Variants in RASGRP2 observed in about 807,000 individuals in gnomAD.
RASGRP2 encodes the protein RAS guanyl-releasing protein 2.
RASGRP2 carries 44 observed loss-of-function variants against 71.0 expected under a neutral mutation model. That is an observed-to-expected ratio of 0.62 (90% confidence interval 0.49 to 0.80). The LOEUF (loss-of-function observed/expected upper bound fraction) is 0.80, where lower values mean the gene tolerates loss of function less well. RASGRP2 is among the 30% of genes least tolerant of loss of function. The pLI is 0.00. For missense variants in RASGRP2, 663 were observed against 813.4 expected (o/e 0.82, Z 2.25); for synonymous variants, 350 against 330.7 (o/e 1.06, Z -0.63).
chr11:64,742,646 G>A lies in RASGRP2; in HGVS notation c.73+148C>T. On this transcript the variant is annotated intron_variant, in intron 2 of 16. Coordinates refer to ENST00000394432, the MANE Select transcript of RASGRP2 (RefSeq NM_001098671.2). This position sits in a 1 kb window ranked among gnomAD's most constrained non-coding sequence, Gnocchi z 4.7. ...CGTGCATCTCTCTGCCCTGCGTTGC[G>A]GAGGAGGCTTTCGTTAAAGAGACTG... 1 of 1,023,344 alleles carries A rather than the reference G, an allele frequency of 9.8e-7. No individual in the cohort carries two copies. Among genetic ancestry groups the A allele is most frequent in the Non-Finnish European group, 1.5e-6 (1 of 681,110 alleles). 63.4% of individuals were successfully genotyped at this position (1,023,344 alleles called of 1,614,324 possible).
Position 64,730,182 on chromosome 11 carries a change from G to A in RASGRP2, c.1425C>T (p.Ile475=). 1 of 1,551,654 alleles carries A rather than the reference G, an allele frequency of 6.4e-7. No homozygotes were observed. The highest frequency in any genetic ancestry group is 2.4e-5 in the East Asian group (1 of 40,922). The change falls in exon 13 of 17, where the codon ATC becomes ATT. Residue 475 remains isoleucine, a synonymous_variant. Transcript: ENST00000394432. Reference sequence around the variant, plus strand: ...AATAGGAAACCATCTCCTCCCTGCTGATGCAGCCATCCCTGTGGGGAGTTG... The same window carrying A: ...AATAGGAAACCATCTCCTCCCTGCTAATGCAGCCATCCCTGTGGGGAGTTG... ...GDLDQNQDGC[I]SREEMVSYFL...
Position 64,742,641 on chromosome 11 carries a change from G to T in RASGRP2, c.73+153C>A. On this transcript the variant is annotated intron_variant, in intron 2 of 16. Coordinates refer to ENST00000394432, the MANE Select transcript of RASGRP2 (RefSeq NM_001098671.2). This position sits in a 1 kb window ranked among gnomAD's most constrained non-coding sequence, Gnocchi z 4.7. The stretch of plus-strand genomic sequence containing the variant: ...AAGGGCGTGCATCTCTCTGCCCTGC[G>T]TTGCGGAGGAGGCTTTCGTTAAAGA... 4 of 987,394 alleles carry T rather than the reference G, an allele frequency of 4.1e-6. No homozygotes were observed. The highest frequency in any genetic ancestry group is 6.2e-6 in the Non-Finnish European group (4 of 649,294). 61.2% of individuals were successfully genotyped at this position (987,394 alleles called of 1,614,324 possible).
rs976112008 is a variant in RASGRP2, at chr11:64,743,463, C to G, written c.-71-526G>C. On this transcript the variant is annotated intron_variant, in intron 1 of 16. Coordinates refer to ENST00000394432, the MANE Select transcript of RASGRP2 (RefSeq NM_001098671.2). This position sits in a 1 kb window ranked among gnomAD's most constrained non-coding sequence, Gnocchi z 4.9. Reference sequence around the variant, plus strand: ...CTCCCGGGAGCCCAGGAAGGCGAGGCGGGGCTGCGGCAGCCCCCAGGGGGC... The same window carrying G: ...CTCCCGGGAGCCCAGGAAGGCGAGGGGGGGCTGCGGCAGCCCCCAGGGGGC... 1 of 348,786 alleles carries G rather than the reference C, an allele frequency of 2.9e-6. No individual in the cohort carries two copies. Among genetic ancestry groups the G allele is most frequent in the African/African-American group, 2.2e-5 (1 of 45,458 alleles). 21.6% of individuals were successfully genotyped at this position (348,786 alleles called of 1,614,324 possible).
At position 64,739,967 on chromosome 11, in the gene RASGRP2, T is replaced by C. The variant is rs745888366; in HGVS notation, c.522+46A>G. On this transcript the variant is annotated intron_variant, in intron 6 of 16. Coordinates refer to ENST00000394432, the MANE Select transcript of RASGRP2 (RefSeq NM_001098671.2). This position sits in a 1 kb window ranked among gnomAD's most constrained non-coding sequence, Gnocchi z 4.2. ...GGACCCTGCCCCTCCTAGAACTCTCTTCCAGCCCACATTGGACCCCTGACC... is the reference window on the plus strand; with the variant it reads ...GGACCCTGCCCCTCCTAGAACTCTCCTCCAGCCCACATTGGACCCCTGACC... 1.2e-6 allele frequency: 2 copies of C among 1,613,554 alleles called. No homozygotes were observed. Among genetic ancestry groups the C allele is most frequent in the Non-Finnish European group, 1.7e-6 (2 of 1,179,840 alleles).
rs192697197 is a variant in RASGRP2, at chr11:64,739,551, G to A, written c.697-75C>T. On this transcript the variant is annotated intron_variant, in intron 7 of 16. Coordinates refer to ENST00000394432, the MANE Select transcript of RASGRP2 (RefSeq NM_001098671.2). This position sits in a 1 kb window ranked among gnomAD's most constrained non-coding sequence, Gnocchi z 4.2. ...GAATTTGGCCCAGCTTATCTAGAGA[G>A]AAGGCAGTGGGTTAGGGGAAGGGAA... is the stretch of plus-strand genomic sequence containing the variant. The A allele has an allele frequency of 1.2e-3, 1,934 of 1,609,856 alleles. 2 individuals carry two copies. Among genetic ancestry groups the A allele is most frequent in the Non-Finnish European group, 1.6e-3 (1,836 of 1,176,266 alleles).
chr11:64,741,306 G>T, intron 4 of RASGRP2, 133 bp downstream of exon 4: 1 of 1,138,682 alleles, frequency 8.8e-7, no homozygotes, highest in Non-Finnish European at 1.3e-6. Flanking sequence ...GCCTGTGGCA[G>T]CACTGCCCAC....
chr11:64,740,501 T>C (rs533535198), intron 5 of RASGRP2: 24 of 625,288 alleles, frequency 3.8e-5, no homozygotes, highest in South Asian at 2.9e-4. Context: ...GTGACACATG[T>C]ACAGAGGTCT....
At chr11:64,736,696 G>A in intron 9 of RASGRP2, 57 bp downstream of exon 9, 2 of 1,537,206 alleles carry the variant, frequency 1.3e-6, no homozygotes, top group South Asian at 1.2e-5. Context: ...CCAGGACCTG[G>A]GGAAACTGTC....
rs560111649 is a variant in RASGRP2, at chr11:64,730,618, T to C, written c.1413-424A>G. ...AAATCGCATCCCTCTCTCTCCTGCA[T>C]CATCCTGCTGGAAAGACAGCTGTAA... On this transcript the variant is annotated intron_variant, in intron 12 of 16. Coordinates refer to ENST00000394432, the MANE Select transcript of RASGRP2 (RefSeq NM_001098671.2). Among the ~76,000 whole-genome samples, 4 of 152,338 alleles carry C rather than the reference T, an allele frequency of 2.6e-5. No homozygotes were observed. The South Asian group carries it at 8.3e-4, about 32-fold the overall frequency.
At chr11:64,740,770 G>T in intron 5 of RASGRP2, 178 bp downstream of exon 5, 1 of 793,818 alleles carries the variant, frequency 1.3e-6, no homozygotes. Context: ...AGTGGAAGAT[G>T]AGGCAGGAAC....
rs749496073 is a variant in RASGRP2, at chr11:64,736,759, C to T, written c.1089G>A (p.Leu363=). The change falls in exon 9 of 17, where the codon CTG becomes CTA. Residue 363 remains leucine, a synonymous_variant. Transcript: ENST00000394432. ...PVQANPDLLS[L]LTVSLDQYQT... ...CCTGCCCCCTGCTCCTCACCGTGAG[C>T]AGGCTCAGCAGGTCGGGGTTGGCCT... 1 of 1,586,038 alleles carries T rather than the reference C, an allele frequency of 6.3e-7. No individual in the cohort carries two copies. Among genetic ancestry groups the T allele is most frequent in the Non-Finnish European group, 8.6e-7 (1 of 1,166,750 alleles).
chr11:64,744,846 C>T (rs1466030976), upstream of RASGRP2: 1 of 147,930 alleles, frequency 6.8e-6, no homozygotes, highest in Non-Finnish European at 1.5e-5. Flanking sequence ...CCGCTCTCCA[C>T]GCCGCGGCCC....
rs1466066384 is a variant in RASGRP2, at chr11:64,743,246, C to T, written c.-71-309G>A. 2.0e-6 allele frequency: 1 copy of T among 492,898 alleles called. No homozygotes were observed. Among genetic ancestry groups the T allele is most frequent in the Non-Finnish European group, 4.0e-6 (1 of 251,320 alleles). The allele number at this position is 492,898 out of a possible 1,614,324, so 30.5% of individuals were successfully genotyped here. ...CCCCCCGCAGGGCGCCTTCTCCTCG[C>T]GCCCTCTCCCCAGAGGCACCTGCAG... On this transcript the variant is annotated intron_variant, in intron 1 of 16. Transcript: ENST00000394432. The surrounding 1 kb of genome is among the most constrained non-coding windows in gnomAD (Gnocchi z 4.9).
chr11:64,741,291 G>T (rs2058113026), intron 4 of RASGRP2, 148 bp downstream of exon 4: 2 of 1,077,634 alleles, frequency 1.9e-6, no homozygotes, highest in African/African-American at 1.6e-5. Context: ...CCCAGGAAGG[G>T]GTGAGCCTGT....
In RASGRP2 at chr11:64,735,002, G is replaced by A; in HGVS notation, c.1412+110C>T. ...CCTTTCCCACACTGGCAGCTTCCCA[G>A]GCCAAGATCATCTGGCTCAGTGACC... On this transcript the variant is annotated intron_variant, in intron 12 of 16. Transcript: ENST00000394432. The surrounding 1 kb of genome is among the most constrained non-coding windows in gnomAD (Gnocchi z 4.2). 1 of 910,556 alleles carries A rather than the reference G, an allele frequency of 1.1e-6. No homozygotes were observed. 56.4% of individuals were successfully genotyped at this position (910,556 alleles called of 1,614,324 possible).
At position 64,740,992 on chromosome 11, in the gene RASGRP2, T is replaced by G. The variant is rs2058103275; in HGVS notation, c.327A>C (p.Gln109His). ...QIKELKALLD[Q>H]EGNRRHSSLI... ...GGCTGCTGTGCCGTCGGTTCCCTTC[T>G]TGGTCTAGCAGAGCCTTCAGCTCCT... is the stretch of plus-strand genomic sequence containing the variant. Residue 109 changes from glutamine to histidine, a missense_variant, in exon 5 of 17, where the codon CAA becomes CAC. Transcript: ENST00000394432. The G allele has an allele frequency of 6.2e-7, 1 of 1,613,808 alleles. No homozygotes were observed. Among genetic ancestry groups the G allele is most frequent in the East Asian group, 2.2e-5 (1 of 44,858 alleles).
Position 64,743,019 on chromosome 11 carries a change from G to A in RASGRP2, c.-71-82C>T, listed in dbSNP as rs1295082608. On this transcript the variant is annotated intron_variant, in intron 1 of 16. Transcript: ENST00000394432. The surrounding 1 kb of genome is among the most constrained non-coding windows in gnomAD (Gnocchi z 4.9). ...CGCGGGCAGAAACGGGGCGGGGCGG[G>A]CACGCCCCCTGCTGGACAGGGGCGG... 8 of 1,395,120 alleles carry A rather than the reference G, an allele frequency of 5.7e-6. No individual in the cohort carries two copies. Among genetic ancestry groups the A allele is most frequent in the Non-Finnish European group, 7.8e-6 (8 of 1,027,714 alleles). The allele number at this position is 1,395,120 out of a possible 1,614,324, so 86.4% of individuals were successfully genotyped here.
At chr11:64,733,597 C>G (rs1259178692) in intron 12 of RASGRP2, among the ~76,000 whole-genome samples, 2 of 152,188 alleles carry the variant, frequency 1.3e-5, no homozygotes, top group African/African-American at 2.4e-5. Flanking sequence ...TCAACTACCT[C>G]TGCCTAAAAT....
rs754141015 is a variant in RASGRP2 at position 64,739,372 on chromosome 11, A to T, written c.801T>A (p.Pro267=). The T allele has an allele frequency of 1.9e-5, 30 of 1,613,672 alleles. No individual in the cohort carries two copies. Among genetic ancestry groups the T allele is most frequent in the Non-Finnish European group, 3.4e-6 (4 of 1,179,692 alleles). ...CAGTCCCAGGCACCTTGATGGTCTC[A>T]GGGCTAACGTGGCTGTGGGTCTCCT... ...RLKETHSHVS[P]ETIKLWEGLT... is the part of the protein sequence containing the mutation. The change falls in exon 8 of 17, where the codon CCT becomes CCA. Residue 267 remains proline (P), a synonymous_variant. Coordinates refer to ENST00000394432, the MANE Select transcript of RASGRP2 (RefSeq NM_001098671.2). The surrounding 1 kb of genome is among the most constrained non-coding windows in gnomAD (Gnocchi z 4.2).
Sources: allele counts gnomAD v4.1 joint callset (sites outside exome capture counted in the v4.1 genomes callset), GRCh38; gene constraint gnomAD v4.1.1; non-coding constraint Gnocchi (gnomAD v3.1); transcripts MANE v1.5; gene names NCBI Gene and HGNC (gene_info 2026-07-23, HGNC 2026-07-21).